The following PAPPA variants were observed in gnomAD, a reference collection of about 807,000 sequenced individuals.
PAPPA encodes pappalysin 1.
PAPPA carries 60 observed loss-of-function variants against 164.0 expected under a neutral mutation model. The observed-to-expected ratio is 0.37, with a 90% CI of 0.30 to 0.45. PAPPA has a LOEUF of 0.45. PAPPA is among the 20% of genes least tolerant of loss of function. PAPPA has a pLI of 1.00. For missense variants in PAPPA, 1,782 were observed against 2,087.3 expected (o/e 0.85, Z 2.85); for synonymous variants, 875 against 814.1 (o/e 1.07, Z -1.27).
At chr9:116,155,313 C>T (rs530315902) in intron 1 of PAPPA, among the ~76,000 whole-genome samples, 2 of 152,336 alleles carry the variant, frequency 1.3e-5, no homozygotes, top group African/African-American at 4.8e-5. Context: ...TGAGTTCTCC[C>T]TCCTCAACCT....
At chr9:116,164,720 A>G (rs1351539675) in intron 1 of PAPPA, among the ~76,000 whole-genome samples, 1 of 152,152 alleles carries the variant, frequency 6.6e-6, no homozygotes, top group Non-Finnish European at 1.5e-5. Context: ...AATGTGGCCA[A>G]ATGCATTTAT....
At chr9:116,194,055 G>T (rs1378495636) in intron 2 of PAPPA, among the ~76,000 whole-genome samples, 12 of 152,222 alleles carry the variant, frequency 7.9e-5, no homozygotes. Context: ...TTGAGGAGAT[G>T]CAAGAAAGAT....
At chr9:116,211,533 T>C (rs1844307017) in intron 3 of PAPPA, 106 bp from the exon 4 acceptor site, 2 of 919,264 alleles carry the variant, frequency 2.2e-6, no homozygotes, top group Non-Finnish European at 3.4e-6. Flanking sequence ...TGGAGAAGCT[T>C]GTGTTTATTT....
intron 2 of PAPPA, 30 bp downstream of exon 2, chr9:116,188,246 G>C: frequency 6.6e-7 from 1 of 1,518,344 alleles, no homozygotes; most frequent in Non-Finnish European, 9.0e-7. Context: ...AAGATGCCCA[G>C]TTGAAAGTTG....
chr9:116,159,811 G>A (rs1381909893), intron 1 of PAPPA, among the ~76,000 whole-genome samples: 1 of 152,196 alleles, frequency 6.6e-6, no homozygotes, highest in African/African-American at 2.4e-5. Context: ...TGTGGGTTGT[G>A]TATGGCCAGC....
rs763438393 is a variant in PAPPA, at chr9:116,154,270, G to C, written c.98G>C (p.Arg33Pro). Residue 33 changes from arginine to proline, a missense_variant, in exon 1 of 22, where the codon CGG becomes CCG. This residue lies in a region of PAPPA where 458 missense variants were observed against 430.3 expected (regional missense o/e 1.06). Transcript: ENST00000328252. The surrounding 1 kb of genome is among the most constrained non-coding windows in gnomAD (Gnocchi z 5.2). ...ERPRRARRDP[R>P]AGRPPRPAAG... Reference sequence around the variant, plus strand: ...CCCCGCCGGGCCCGGAGAGACCCGCGGGCCGGCCGACCCCCGCGCCCCGCC... The same window carrying C: ...CCCCGCCGGGCCCGGAGAGACCCGCCGGCCGGCCGACCCCCGCGCCCCGCC... 7.4e-6 allele frequency: 8 copies of C among 1,085,158 alleles called. No individual in the cohort carries two copies. The highest frequency in any genetic ancestry group is 4.0e-4 in the Middle Eastern group (1 of 2,480). The allele number at this position is 1,085,158 out of a possible 1,614,324, so 67.2% of individuals were successfully genotyped here.
intron 4 of PAPPA, among the ~76,000 whole-genome samples, chr9:116,219,131 A>G (rs919906011): frequency 2.6e-5 from 4 of 152,108 alleles, no homozygotes; most frequent in Non-Finnish European, 5.9e-5. Context: ...TAGCCGTGCA[A>G]TCTGATCAGC....
rs371022168 is a variant in PAPPA at position 116,188,043 on chromosome 9, C to T, written c.1305C>T (p.His435=). The T allele has an allele frequency of 6.8e-5, 110 of 1,614,168 alleles. 1 individual carries two copies. The highest frequency in any genetic ancestry group is 5.5e-4 in the South Asian group (50 of 91,086). ...AGTGCAACCACACGCTGACGGGCCA[C>T]GACGGCGGGGATTGCCGCCACCTGC... The part of the protein sequence containing the change: ...DPECNHTLTG[H]DGGDCRHLRH... Residue 435 remains histidine, a synonymous_variant, in exon 2 of 22, where the codon CAC becomes CAT. Coordinates refer to ENST00000328252, the MANE Select transcript of PAPPA (RefSeq NM_002581.5).
At chr9:116,358,286 C>T (rs1404068225) in intron 17 of PAPPA, among the ~76,000 whole-genome samples, 1 of 152,230 alleles carries the variant, frequency 6.6e-6, no homozygotes, top group Admixed American at 6.5e-5. Flanking sequence ...ACACTTTCCA[C>T]TCATCCTCCC....
chr9:116,338,876 C>G (rs1846097977), intron 13 of PAPPA, among the ~76,000 whole-genome samples: 1 of 152,194 alleles, frequency 6.6e-6, no homozygotes, highest in Admixed American at 6.5e-5. Flanking sequence ...TTTCTCATTT[C>G]AAAGGGCTCT....
At chr9:116,171,511 C>A (rs1244265205) in intron 1 of PAPPA, among the ~76,000 whole-genome samples, 1 of 144,106 alleles carries the variant, frequency 6.9e-6, no homozygotes, top group Non-Finnish European at 1.5e-5. Flanking sequence ...ACCACTCTGT[C>A]CACCCTTACA....
At chr9:116,385,549 A>AGAC (rs1846798511) in intron 21 of PAPPA, among the ~76,000 whole-genome samples, 1 of 152,198 alleles carries the variant, frequency 6.6e-6, no homozygotes, top group Admixed American at 6.5e-5. Flanking sequence ...CAGCAATTTC[A>AGAC]GACTCCCAGG....
In PAPPA at chr9:116,154,247, C is replaced by T; in HGVS notation, c.75C>T (p.Pro25=). Residue 25 remains proline (P), a synonymous_variant, in exon 1 of 22, where the codon CCC becomes CCT. Transcript: ENST00000328252. The surrounding 1 kb of genome is among the most constrained non-coding windows in gnomAD (Gnocchi z 5.2). The part of the protein sequence containing the change: ...AALGCGLAER[P]RRARRDPRAG... The stretch of plus-strand genomic sequence containing the variant: ...TGGGCTGCGGGCTGGCCGAGCGTCC[C>T]CGCCGGGCCCGGAGAGACCCGCGGG... 5 of 1,381,458 alleles carry T rather than the reference C, an allele frequency of 3.6e-6. No homozygotes were observed. The South Asian group carries it at 5.3e-5, about 15-fold the overall frequency. The allele number at this position is 1,381,458 out of a possible 1,614,324, so 85.6% of individuals were successfully genotyped here. A position where few individuals can be genotyped will look rare whatever the true frequency, so the allele number is the denominator to read the frequency against.
chr9:116,285,158 CT>C (rs1845318115), intron 9 of PAPPA, among the ~76,000 whole-genome samples: 2 of 107,272 alleles, frequency 1.9e-5, no homozygotes, highest in African/African-American at 3.4e-5. Flanking sequence ...TTTTCTTTTT[CT>C]TTTCTTTCTT....
At position 116,398,463 on chromosome 9, in the gene PAPPA, A is replaced by T; in HGVS notation, c.*1847A>T. 1.5e-6 allele frequency: 1 copy of T among 682,142 alleles called. No individual in the cohort carries two copies. The allele number at this position is 682,142 out of a possible 1,614,324, so 42.3% of individuals were successfully genotyped here. On this transcript the variant is annotated 3_prime_UTR_variant, in exon 22 of 22. Transcript: ENST00000328252. ...TCCTGCATCCAAGGCAGGTGTTGTT[A>T]ATCTATCATAGCACTTAAAAAAAAA...
At chr9:116,313,935 A>C (rs1332932629) in intron 10 of PAPPA, among the ~76,000 whole-genome samples, 1 of 152,112 alleles carries the variant, frequency 6.6e-6, no homozygotes, top group African/African-American at 2.4e-5. Context: ...TCTCATCTGT[A>C]AAATTAAATA....
chr9:116,339,935 G>A (rs1846112427), intron 13 of PAPPA, among the ~76,000 whole-genome samples: 1 of 152,146 alleles, frequency 6.6e-6, no homozygotes, highest in Non-Finnish European at 1.5e-5. Flanking sequence ...CATGGAATTT[G>A]AGTCCAAAGG....
intron 9 of PAPPA, among the ~76,000 whole-genome samples, chr9:116,274,084 C>CAAAA (rs11342214): frequency 1.4e-5 from 2 of 140,726 alleles, no homozygotes; most frequent in African/African-American, 2.6e-5. Flanking sequence ...AAGCTACCTG[C>CAAAA]AAAAAAAAAA....
intron 19 of PAPPA, 121 bp from the exon 20 acceptor site, chr9:116,377,455 A>C (rs1846670070): frequency 3.1e-6 from 2 of 645,684 alleles, no homozygotes; most frequent in Non-Finnish European, 5.5e-6. Flanking sequence ...TGTAAAAGCC[A>C]GGGTGAGGTC....
Sources: allele counts gnomAD v4.1 joint callset (sites outside exome capture counted in the v4.1 genomes callset), GRCh38; gene constraint gnomAD v4.1.1; regional missense constraint gnomAD v4.1.1; non-coding constraint Gnocchi (gnomAD v3.1); transcripts MANE v1.5; gene names NCBI Gene and HGNC (gene_info 2026-07-23, HGNC 2026-07-21).